Variants in UQCRB observed in about 807,000 individuals in gnomAD.
UQCRB encodes the protein cytochrome b-c1 complex subunit 7.
UQCRB carries 12 observed loss-of-function variants against 19.8 expected under a neutral mutation model. The ratio of observed to expected loss-of-function variants is 0.61; its 90% CI spans 0.39 to 0.98. The LOEUF (loss-of-function observed/expected upper bound fraction) is 0.98. Among genes scored for constraint, UQCRB ranks in the 50% least tolerant of loss-of-function variants. The pLI, the probability that UQCRB is intolerant of heterozygous loss-of-function variation, is 0.00. For synonymous variants in UQCRB, 39 were observed against 42.9 expected (o/e 0.91, Z 0.35); for missense variants, 142 against 131.8 (o/e 1.08, Z -0.38).
chr8:96,235,060 T>C (rs1809774775), intron 1 of UQCRB: 2 of 274,286 alleles, frequency 7.3e-6, no homozygotes, highest in Non-Finnish European at 1.4e-5. Flanking sequence ...TCAGTTATCT[T>C]ATCAGCGTAA....
chr8:96,223,890 A>G lies in UQCRB; in HGVS notation c.*7165T>C, dbSNP rs759922602. 7.9e-5 allele frequency among the ~76,000 whole-genome samples: 12 copies of G among 152,190 alleles called. 1 individual carries two copies. The highest frequency in any genetic ancestry group is 1.5e-4 in the Non-Finnish European group (10 of 68,032). On this transcript the variant is annotated 3_prime_UTR_variant, in exon 4 of 4. Coordinates refer to ENST00000287022, the MANE Select transcript of UQCRB (RefSeq NM_006294.5). ...TAAGTCTCTGATTGGAAGCAGATCT[A>G]TCATGGGTAGAGGCAGACAGGTGGG...
rs1392727252 is a variant in UQCRB at position 96,230,823 on chromosome 8, C to A, written c.*232G>T. ...GAAAACTGATAAAGTGGCTTCTGAG[C>A]TCCAAGTAGCAGTTAAACACAACTA... is the stretch of plus-strand genomic sequence containing the variant. On this transcript the variant is annotated 3_prime_UTR_variant, in exon 4 of 4. Transcript: ENST00000287022. The A allele has an allele frequency of 1.5e-6, 1 of 656,352 alleles. No homozygotes were observed. Among genetic ancestry groups the A allele is most frequent in the African/African-American group, 1.8e-5 (1 of 56,068 alleles). 40.7% of individuals were successfully genotyped at this position (656,352 alleles called of 1,614,324 possible).
At position 96,231,757 on chromosome 8, in the gene UQCRB, A is replaced by G; in HGVS notation, c.258+17T>C. 2 of 1,614,124 alleles carry G rather than the reference A, an allele frequency of 1.2e-6. No individual in the cohort carries two copies. Among genetic ancestry groups the G allele is most frequent in the African/African-American group, 2.7e-5 (2 of 75,078 alleles). The stretch of plus-strand genomic sequence containing the variant: ...TCCTTAATGAGCAACACTGTCAGGT[A>G]GATAAAGCTGTGCTACCTCTTCATA... On this transcript the variant is annotated intron_variant, in intron 3 of 3. Transcript: ENST00000287022.
intron 1 of UQCRB, chr8:96,234,296 C>T (rs764613332): frequency 3.9e-5 from 11 of 285,188 alleles, no homozygotes; most frequent in Non-Finnish European, 5.7e-5. Flanking sequence ...TATATTCAAC[C>T]ACCTATCAGT....
intron 3 of UQCRB, chr8:96,231,480 G>T (rs1809673298): frequency 6.5e-7 from 1 of 1,534,576 alleles, no homozygotes; most frequent in African/African-American, 1.4e-5. Context: ...TTTCATCTAA[G>T]TAGGAAGCAG....
Position 96,230,408 on chromosome 8 carries a change from C to T in UQCRB, c.*647G>A, listed in dbSNP as rs1026356977. ...TCTAATTTATATTTTTAAAAATTACCCTATAATCTTAAAACTTTTAACTGA... is the reference window on the plus strand; with the variant it reads ...TCTAATTTATATTTTTAAAAATTACTCTATAATCTTAAAACTTTTAACTGA... On this transcript the variant is annotated 3_prime_UTR_variant, in exon 4 of 4. Transcript: ENST00000287022. The T allele has an allele frequency of 8.9e-6, 4 of 447,356 alleles. No individual in the cohort carries two copies. Among genetic ancestry groups the T allele is most frequent in the African/African-American group, 2.0e-5 (1 of 49,380 alleles). The allele number at this position is 447,356 out of a possible 1,614,324, so 27.7% of individuals were successfully genotyped here.
chr8:96,232,026 A>G, intron 2 of UQCRB, 86 bp from the exon 3 acceptor site: 2 of 1,316,412 alleles, frequency 1.5e-6, no homozygotes, highest in South Asian at 1.2e-5. Context: ...ATGACTTATA[A>G]CTTACAACTT....
In UQCRB at chr8:96,226,893, T is replaced by C. The variant is rs1809536277; in HGVS notation, c.*4162A>G. 3 of 453,782 alleles carry C rather than the reference T, an allele frequency of 6.6e-6. No individual in the cohort carries two copies. The highest frequency in any genetic ancestry group is 1.3e-5 in the Non-Finnish European group (3 of 226,722). 28.1% of individuals were successfully genotyped at this position (453,782 alleles called of 1,614,324 possible). On this transcript the variant is annotated 3_prime_UTR_variant, in exon 4 of 4. Transcript: ENST00000287022. Reference sequence around the variant, plus strand: ...CATCTATGCTAAAAATTAACCACCGTATAATGATTCAGTTCTTCTTTCTTG... The same window carrying C: ...CATCTATGCTAAAAATTAACCACCGCATAATGATTCAGTTCTTCTTTCTTG...
chr8:96,235,275 G>A (rs1383157754), intron 1 of UQCRB: 4 of 623,606 alleles, frequency 6.4e-6, no homozygotes, highest in African/African-American at 5.5e-5. Flanking sequence ...GGCTGTCAGA[G>A]CCACCGCGGG....
intron 1 of UQCRB, chr8:96,234,640 C>T (rs1809757999): frequency 1.8e-6 from 1 of 553,314 alleles, no homozygotes; most frequent in South Asian, 1.6e-5. Context: ...TGTTTCCTAA[C>T]AGCTTCACAA....
rs1208310863 is a variant in UQCRB, at chr8:96,228,012, C to G, written c.*3043G>C. 1 of 453,988 alleles carries G rather than the reference C, an allele frequency of 2.2e-6. No homozygotes were observed. The highest frequency in any genetic ancestry group is 4.4e-6 in the Non-Finnish European group (1 of 226,806). 28.1% of individuals were successfully genotyped at this position (453,988 alleles called of 1,614,324 possible). On this transcript the variant is annotated 3_prime_UTR_variant, in exon 4 of 4. Coordinates refer to ENST00000287022, the MANE Select transcript of UQCRB (RefSeq NM_006294.5). ...ATTTCCATGCAATCTGGAACTAGGACCACAGCTGGCAATTGGGGGTCTGAA... is the reference window on the plus strand; with the variant it reads ...ATTTCCATGCAATCTGGAACTAGGAGCACAGCTGGCAATTGGGGGTCTGAA...
chr8:96,234,516 T>C, intron 1 of UQCRB: 1 of 1,288,130 alleles, frequency 7.8e-7, no homozygotes, highest in Non-Finnish European at 1.0e-6. Context: ...TGTCTTGAAT[T>C]TAGTAAGACT....
intron 2 of UQCRB, chr8:96,232,888 G>A: frequency 2.9e-6 from 1 of 349,784 alleles, no homozygotes; most frequent in Non-Finnish European, 5.1e-6. Context: ...TGGGAAAGGG[G>A]GTGTAGAAGG....
Position 96,229,052 on chromosome 8 carries a change from A to T in UQCRB, c.*2003T>A. 1 of 454,130 alleles carries T rather than the reference A, an allele frequency of 2.2e-6. No individual in the cohort carries two copies. The highest frequency in any genetic ancestry group is 4.4e-6 in the Non-Finnish European group (1 of 226,782). 28.1% of individuals were successfully genotyped at this position (454,130 alleles called of 1,614,324 possible). ...TACTAGATCTACTTTCTTAGTCTTC[A>T]TAACAAGCAGGACGATAACCATAAT... On this transcript the variant is annotated 3_prime_UTR_variant, in exon 4 of 4. Coordinates refer to ENST00000287022, the MANE Select transcript of UQCRB (RefSeq NM_006294.5).
At position 96,230,177 on chromosome 8, in the gene UQCRB, G is replaced by T; in HGVS notation, c.*878C>A. 2.2e-6 allele frequency: 1 copy of T among 452,740 alleles called. No homozygotes were observed. The highest frequency in any genetic ancestry group is 1.6e-5 in the South Asian group (1 of 64,466). 28.0% of individuals were successfully genotyped at this position (452,740 alleles called of 1,614,324 possible). On this transcript the variant is annotated 3_prime_UTR_variant, in exon 4 of 4. Coordinates refer to ENST00000287022, the MANE Select transcript of UQCRB (RefSeq NM_006294.5). The stretch of plus-strand genomic sequence containing the variant: ...TGCAACCTCCACCTCCTGGGGTCAA[G>T]CAATTCTCCTCCCTCAGCCTCCCGA...
At position 96,229,263 on chromosome 8, in the gene UQCRB, G is replaced by C. The variant is rs1371078291; in HGVS notation, c.*1792C>G. ...TTACCTTGAGCAGGTGGATAGCCTG[G>C]GGGTTCCTGTTATACCTCAGTCTTG... On this transcript the variant is annotated 3_prime_UTR_variant, in exon 4 of 4. Coordinates refer to ENST00000287022, the MANE Select transcript of UQCRB (RefSeq NM_006294.5). 2.2e-6 allele frequency: 1 copy of C among 454,048 alleles called. No homozygotes were observed. The highest frequency in any genetic ancestry group is 7.0e-5 in the East Asian group (1 of 14,386). The allele number at this position is 454,048 out of a possible 1,614,324, so 28.1% of individuals were successfully genotyped here.
chr8:96,232,857 T>TA (rs972199053), intron 2 of UQCRB: 16 of 207,002 alleles, frequency 7.7e-5, no homozygotes, highest in South Asian at 3.0e-4. Flanking sequence ...AATAAATAAA[T>TA]AAAATTTTAA....
At chr8:96,232,000 T>C in intron 2 of UQCRB, 60 bp from the exon 3 acceptor site, 6 of 1,515,252 alleles carry the variant, frequency 4.0e-6, no homozygotes, top group Non-Finnish European at 5.5e-6. Flanking sequence ...TTTTTTTAAA[T>C]TAGTAAAATA....
chr8:96,229,805 AG>A lies in UQCRB; in HGVS notation c.*1249del, dbSNP rs1278996714. 1 of 453,938 alleles carries A rather than the reference AG, an allele frequency of 2.2e-6. No homozygotes were observed. Among genetic ancestry groups the A allele is most frequent in the African/African-American group, 2.0e-5 (1 of 50,076 alleles). 28.1% of individuals were successfully genotyped at this position (453,938 alleles called of 1,614,324 possible). Reference sequence around the variant, plus strand: ...GGGGAGGGGGTTCCTAGAGAATTTAAGAGGCTAATATTTTAGCAAAAATTTA... The same window carrying A: ...GGGGAGGGGGTTCCTAGAGAATTTAAAGGCTAATATTTTAGCAAAAATTTA... On this transcript the variant is annotated 3_prime_UTR_variant, in exon 4 of 4. Transcript: ENST00000287022.
Sources: allele counts gnomAD v4.1 joint callset (sites outside exome capture counted in the v4.1 genomes callset), GRCh38; gene constraint gnomAD v4.1.1; transcripts MANE v1.5; gene names NCBI Gene and HGNC (gene_info 2026-07-23, HGNC 2026-07-21).